The following PCDH15 variants were observed in gnomAD, a reference collection of about 807,000 sequenced individuals.
The protein encoded by PCDH15 is protocadherin related 15.
A neutral mutation model predicts 178.5 loss-of-function variants in PCDH15; 129 were observed. The ratio of observed to expected loss-of-function variants is 0.72; its 90% CI spans 0.63 to 0.84. PCDH15 has a LOEUF of 0.84. Ranked by LOEUF, PCDH15 falls within the 40% of genes least tolerant of loss-of-function variation. The pLI, the probability that PCDH15 is intolerant of heterozygous loss-of-function variation, is 0.00. For synonymous variants in PCDH15, 800 were observed against 732.0 expected (o/e 1.09, Z -1.50); for missense variants, 2,230 against 2,099.9 (o/e 1.06, Z -1.21).
chr10:54,171,832 C>T (rs1176808211), intron 13 of PCDH15, among the ~76,000 whole-genome samples: 1 of 151,696 alleles, frequency 6.6e-6, no homozygotes, highest in African/African-American at 2.4e-5. Flanking sequence ...TTCTATATGA[C>T]AAATGTTTCT....
chr10:53,884,823 G>A (rs947910087), intron 26 of PCDH15, among the ~76,000 whole-genome samples: 1 of 152,012 alleles, frequency 6.6e-6, no homozygotes, highest in Non-Finnish European at 1.5e-5. Flanking sequence ...TGCATTTAAT[G>A]CTAATCAGAC....
intron 1 of PCDH15, among the ~76,000 whole-genome samples, chr10:54,779,405 T>C (rs1430948745): frequency 2.9e-5 from 2 of 68,838 alleles, no homozygotes; most frequent in Admixed American, 1.5e-4. Context: ...TATATATATA[T>C]GTATATATAT....
intron 2 of PCDH15, among the ~76,000 whole-genome samples, chr10:54,930,139 C>T (rs1837735342): frequency 6.6e-6 from 1 of 152,096 alleles, no homozygotes; most frequent in African/African-American, 2.4e-5. Context: ...TTTTCCTTGC[C>T]AACCACGTGT....
chr10:54,600,877 T>C (rs1213229580), intron 2 of PCDH15, among the ~76,000 whole-genome samples: 1 of 151,926 alleles, frequency 6.6e-6, no homozygotes, highest in Non-Finnish European at 1.5e-5. Flanking sequence ...CATGATACTG[T>C]ATGTACCTGG....
chr10:55,602,616 C>G (rs562860433), intron 2 of PCDH15, among the ~76,000 whole-genome samples: 3 of 152,132 alleles, frequency 2.0e-5, no homozygotes, highest in East Asian at 3.9e-4. Context: ...AGGCACCCCC[C>G]AGCAGGGGCA....
chr10:54,897,270 T>A (rs1034014317), intron 3 of PCDH15, among the ~76,000 whole-genome samples: 1 of 152,118 alleles, frequency 6.6e-6, no homozygotes, highest in Non-Finnish European at 1.5e-5. Flanking sequence ...TACAAGTGGG[T>A]TTTCAATAAA....
intron 2 of PCDH15, among the ~76,000 whole-genome samples, chr10:55,129,314 T>G (rs1185775811): frequency 6.6e-6 from 1 of 152,126 alleles, no homozygotes; most frequent in African/African-American, 2.4e-5. Context: ...TTTAGAGATT[T>G]AAACTAAAAT....
At chr10:55,365,786 C>T (rs898636369) in intron 2 of PCDH15, among the ~76,000 whole-genome samples, 6 of 152,118 alleles carry the variant, frequency 3.9e-5, no homozygotes, top group South Asian at 2.1e-4. Flanking sequence ...GTAAGCCCAA[C>T]AAACTCTTTC....
intron 3 of PCDH15, among the ~76,000 whole-genome samples, chr10:54,410,261 A>G (rs1953296297): frequency 6.6e-6 from 1 of 152,138 alleles, no homozygotes; most frequent in Non-Finnish European, 1.5e-5. Context: ...ATTCATATGC[A>G]CACAAGCCTA....
chr10:54,462,476 C>CTTTCTTTTCTTTTCTTTTCTTTTCT (rs3070713), intron 3 of PCDH15, among the ~76,000 whole-genome samples: 7 of 123,942 alleles, frequency 5.6e-5, no homozygotes, highest in African/African-American at 2.4e-4. Flanking sequence ...TCCTTTCTTT[C>CTTTCTTTTCTTTTCTTTTCTTTTCT]TTTCTTTTCT....
chr10:54,290,714 A>G (rs2059346942), intron 8 of PCDH15, among the ~76,000 whole-genome samples: 1 of 152,194 alleles, frequency 6.6e-6, no homozygotes, highest in Admixed American at 6.5e-5. Context: ...TACCAAACAA[A>G]TGGAAAGCTA....
chr10:54,638,561 A>C (rs551883252), intron 2 of PCDH15, among the ~76,000 whole-genome samples: 2 of 152,258 alleles, frequency 1.3e-5, no homozygotes, highest in East Asian at 3.9e-4. Flanking sequence ...AATGAATTTA[A>C]GATAGTGCCT....
At position 55,110,981 on chromosome 10, in the gene PCDH15, T is replaced by C. The variant is rs750549643; in HGVS notation, c.-80+55595A>G. 5.9e-5 allele frequency among the ~76,000 whole-genome samples: 9 copies of C among 152,280 alleles called. No homozygotes were observed. The South Asian group carries it at 1.7e-3, about 28-fold the overall frequency. ...CACAAAACAGAGTTTCCTTTTCTTATAGCAATTAGACTGTAAATATAAATG... is the reference window on the plus strand; with the variant it reads ...CACAAAACAGAGTTTCCTTTTCTTACAGCAATTAGACTGTAAATATAAATG... On this transcript the variant is annotated intron_variant, in intron 2 of 5. Transcript: ENST00000458638.
At chr10:55,387,536 A>G (rs1837692342) in intron 2 of PCDH15, among the ~76,000 whole-genome samples, 1 of 152,136 alleles carries the variant, frequency 6.6e-6, no homozygotes, top group African/African-American at 2.4e-5. Flanking sequence ...TTTAAACTAC[A>G]TAATTCCATA....
chr10:54,061,764 C>T (rs939505779), intron 18 of PCDH15, among the ~76,000 whole-genome samples: 1 of 151,834 alleles, frequency 6.6e-6, no homozygotes, highest in Non-Finnish European at 1.5e-5. Context: ...ATTCTAAATG[C>T]ACAAGGTATA....
At chr10:54,814,059 T>C (rs1243619421) in intron 3 of PCDH15, among the ~76,000 whole-genome samples, 2 of 152,170 alleles carry the variant, frequency 1.3e-5, no homozygotes, top group Non-Finnish European at 2.9e-5. Context: ...ACACATATAT[T>C]ATGCCAGCTA....
chr10:54,284,468 T>A (rs2058911607), intron 8 of PCDH15, among the ~76,000 whole-genome samples: 1 of 152,224 alleles, frequency 6.6e-6, no homozygotes, highest in Admixed American at 6.5e-5. Flanking sequence ...ATATTAACAA[T>A]GTGACACTTT....
chr10:54,924,719 T>C (rs1411157390), intron 2 of PCDH15, among the ~76,000 whole-genome samples: 1 of 152,200 alleles, frequency 6.6e-6, no homozygotes, highest in Non-Finnish European at 1.5e-5. Flanking sequence ...TTTTAAAATA[T>C]AATTGTTGGC....
intron 2 of PCDH15, among the ~76,000 whole-genome samples, chr10:55,433,991 T>C (rs1235493770): frequency 3.3e-5 from 5 of 151,988 alleles, no homozygotes; most frequent in African/African-American, 1.2e-4. Flanking sequence ...TCTTTTTCTA[T>C]ATTTAACATA....
Sources: gnomAD v4.1 joint callset for allele counts (sites outside exome capture counted in the v4.1 genomes callset) on GRCh38, gnomAD v4.1.1 for gene constraint, MANE v1.5 for transcripts, NCBI Gene and HGNC (gene_info 2026-07-23, HGNC 2026-07-21) for gene names.